Variants in RPS6KL1 observed in about 807,000 individuals in gnomAD.
RPS6KL1 encodes the protein ribosomal protein S6 kinase like 1.
RPS6KL1 carries 41 observed loss-of-function variants against 57.0 expected under a neutral mutation model. That is an observed-to-expected ratio of 0.72 (90% CI 0.56 to 0.93). RPS6KL1 has a LOEUF of 0.93. Ranked by LOEUF, RPS6KL1 falls within the 40% of genes least tolerant of loss-of-function variation. RPS6KL1 has a pLI of 0.00. For synonymous variants in RPS6KL1, 287 were observed against 309.7 expected (o/e 0.93, Z 0.77); for missense variants, 697 against 727.7 (o/e 0.96, Z 0.49).
intron 8 of RPS6KL1, 116 bp downstream of exon 8, chr14:74,909,427 G>A: frequency 7.3e-7 from 1 of 1,369,830 alleles, no homozygotes; most frequent in Non-Finnish European, 9.8e-7. Context: ...CTGAAAGGCT[G>A]GCTGGGGCCA....
intron 7 of RPS6KL1, 57 bp downstream of exon 7, chr14:74,911,191 G>A (rs1885902149): frequency 6.4e-7 from 1 of 1,569,102 alleles, no homozygotes; most frequent in African/African-American, 1.3e-5. Context: ...CATTTTAAGG[G>A]TTGACGACAT....
At chr14:74,911,962 G>A (rs551996789) in intron 5 of RPS6KL1, 121 bp from the exon 6 acceptor site, 9 of 757,614 alleles carry the variant, frequency 1.2e-5, no homozygotes, top group Non-Finnish European at 2.0e-5. Context: ...GCAGGGCAGG[G>A]AGGGCGGGCT....
Position 74,911,901 on chromosome 14 carries a change from C to T in RPS6KL1, c.484-60G>A, listed in dbSNP as rs1472731749. 8.1e-5 allele frequency: 116 copies of T among 1,436,034 alleles called. No homozygotes were observed. The East Asian group carries it at 2.1e-3, about 26-fold the overall frequency. The allele number at this position is 1,436,034 out of a possible 1,614,324, so 89.0% of individuals were successfully genotyped here. On this transcript the variant is annotated intron_variant, in intron 5 of 11. Transcript: ENST00000557413. ...TACTAGCTCCTGGGGCTCCGTGACCCCAGCCTGACCCCCTCCCAGGTTCCT... is the reference window on the plus strand; with the variant it reads ...TACTAGCTCCTGGGGCTCCGTGACCTCAGCCTGACCCCCTCCCAGGTTCCT...
intron 8 of RPS6KL1, 113 bp downstream of exon 8, chr14:74,909,430 T>G (rs1303621701): frequency 7.2e-7 from 1 of 1,386,838 alleles, no homozygotes; most frequent in Admixed American, 2.6e-5. Context: ...AAAGGCTGGC[T>G]GGGGCCAGGG....
At chr14:74,908,172 T>C (rs1358907228) in intron 10 of RPS6KL1, among the ~76,000 whole-genome samples, 1 of 152,222 alleles carries the variant, frequency 6.6e-6, no homozygotes, top group African/African-American at 2.4e-5. Flanking sequence ...CTGGATGGAC[T>C]GGTCAGCTCT....
In RPS6KL1 at chr14:74,922,154, G is replaced by A; in HGVS notation, c.-197C>T. On this transcript the variant is annotated 5_prime_UTR_variant, in exon 2 of 12. Transcript: ENST00000557413. ...AGCATCTGGTACTGTGTTGAGCTCT[G>A]GAGAGAGCTGAGGATATCTGTGATC... 5.1e-6 allele frequency: 5 copies of A among 973,066 alleles called. No individual in the cohort carries two copies. Among genetic ancestry groups the A allele is most frequent in the Non-Finnish European group, 6.1e-6 (5 of 816,796 alleles). The allele number at this position is 973,066 out of a possible 1,614,324, so 60.3% of individuals were successfully genotyped here. A position where few individuals can be genotyped will look rare whatever the true frequency, so the allele number is the denominator to read the frequency against.
Position 74,909,210 on chromosome 14 carries a change from A to G in RPS6KL1, c.1271-20T>C. 1 of 1,610,346 alleles carries G rather than the reference A, an allele frequency of 6.2e-7. No homozygotes were observed. The highest frequency in any genetic ancestry group is 8.5e-7 in the Non-Finnish European group (1 of 1,176,550). On this transcript the variant is annotated intron_variant, in intron 8 of 11. Coordinates refer to ENST00000557413, the MANE Select transcript of RPS6KL1 (RefSeq NM_031464.5). ...TGTGACCTCCAGTGTGTGGGAGGAA[A>G]AAGGAGGGGACAGATTGAGGACAGC...
At position 74,906,100 on chromosome 14, in the gene RPS6KL1, T is replaced by C. The variant is rs1241948636; in HGVS notation, c.*914A>G. The C allele has an allele frequency of 5.4e-6, 1 of 185,152 alleles. No homozygotes were observed. Among genetic ancestry groups the C allele is most frequent in the African/African-American group, 2.3e-5 (1 of 43,026 alleles). 11.5% of individuals were successfully genotyped at this position (185,152 alleles called of 1,614,324 possible). Reference sequence around the variant, plus strand: ...TGTGGTTTCTTATCCCAAAAGGGCATGAAGTCACAGTAGGCAGTGACATGG... The same window carrying C: ...TGTGGTTTCTTATCCCAAAAGGGCACGAAGTCACAGTAGGCAGTGACATGG... On this transcript the variant is annotated 3_prime_UTR_variant, in exon 12 of 12. Transcript: ENST00000557413.
At position 74,909,690 on chromosome 14, in the gene RPS6KL1, G is replaced by C; in HGVS notation, c.1123C>G (p.Arg375Gly). The change falls in exon 8 of 12, where the codon CGG (arginine) becomes GGG (glycine). Residue 375 changes from arginine (R) to glycine (G), a missense_variant. Arg to Gly is a moderately radical substitution (Grantham distance 125). Coordinates refer to ENST00000557413, the MANE Select transcript of RPS6KL1 (RefSeq NM_031464.5). ...CTCCAGGTGGCCCTGCCACAGCCCC[G>C]GCCGGCCCCATCTGCTGACAGGCAG... The part of the protein sequence containing the change: ...QSCLSADGAG[R>G]GCGRATWSVR... The C allele has an allele frequency of 6.2e-7, 1 of 1,609,200 alleles. No individual in the cohort carries two copies. Among genetic ancestry groups the C allele is most frequent in the Non-Finnish European group, 8.5e-7 (1 of 1,179,886 alleles).
intron 5 of RPS6KL1, among the ~76,000 whole-genome samples, chr14:74,916,611 G>T (rs1176743080): frequency 1.3e-5 from 2 of 152,040 alleles, no homozygotes; most frequent in African/African-American, 4.8e-5. Flanking sequence ...AGCCTGGTAG[G>T]TCGAGGCTGC....
Position 74,905,610 on chromosome 14 carries a change from C to A in RPS6KL1, c.*1404G>T, listed in dbSNP as rs959366532. The A allele has an allele frequency of 1.3e-5, 2 of 152,222 alleles. No individual in the cohort carries two copies. The highest frequency in any genetic ancestry group is 4.8e-5 in the African/African-American group (2 of 41,430). The allele number at this position is 152,222 out of a possible 1,614,324, so 9.4% of individuals were successfully genotyped here. On this transcript the variant is annotated 3_prime_UTR_variant, in exon 12 of 12. Transcript: ENST00000557413. ...AGCCTTCCAACCTGCCCCAATGAGCCGTGGTCATTGCATGGAAGAAGCGAG... is the reference window on the plus strand; with the variant it reads ...AGCCTTCCAACCTGCCCCAATGAGCAGTGGTCATTGCATGGAAGAAGCGAG...
Position 74,907,472 on chromosome 14 carries a change from T to C in RPS6KL1, c.1502A>G (p.Glu501Gly). 2 of 1,588,972 alleles carry C rather than the reference T, an allele frequency of 1.3e-6. No homozygotes were observed. Among genetic ancestry groups the C allele is most frequent in the South Asian group, 1.1e-5 (1 of 86,962 alleles). ...AGAGGCCGCTGGGCGACTGAGCCAC[T>C]CGGGCAGCTGGAGCTGGGTGTGGGC... ...IQAHTQLQLP[E>G]WLSRPAASLL... Residue 501 changes from glutamate to glycine, a missense_variant, in exon 11 of 12, where the codon GAG becomes GGG. Transcript: ENST00000557413.
chr14:74,914,411 G>A (rs567422098), intron 5 of RPS6KL1, among the ~76,000 whole-genome samples: 7 of 152,324 alleles, frequency 4.6e-5, no homozygotes, highest in African/African-American at 1.7e-4. Flanking sequence ...AAAAACTAGC[G>A]AAGGAGGGAA....
chr14:74,911,898 A>AC, intron 5 of RPS6KL1, 57 bp from the exon 6 acceptor site: 2 of 1,467,990 alleles, frequency 1.4e-6, no homozygotes, highest in South Asian at 2.4e-5. Flanking sequence ...GGGCTCCGTG[A>AC]CCCCAGCCTG....
rs1420662718 is a variant in RPS6KL1 at position 74,905,120 on chromosome 14, AAGG to A, written c.*1891_*1893del. Reference sequence around the variant, plus strand: ...GGCATTATTTACCCCATTTTATCGAAAGGAGGTCGACTGTAAGAGCTGGGACCC... The same window carrying A: ...GGCATTATTTACCCCATTTTATCGAAAGGTCGACTGTAAGAGCTGGGACCC... On this transcript the variant is annotated 3_prime_UTR_variant, in exon 12 of 12. Coordinates refer to ENST00000557413, the MANE Select transcript of RPS6KL1 (RefSeq NM_031464.5). 6.6e-6 allele frequency: 1 copy of A among 152,120 alleles called. No individual in the cohort carries two copies. Among genetic ancestry groups the A allele is most frequent in the Non-Finnish European group, 1.5e-5 (1 of 68,020 alleles). The allele number at this position is 152,120 out of a possible 1,614,324, so 9.4% of individuals were successfully genotyped here.
chr14:74,914,448 G>A lies in RPS6KL1; in HGVS notation c.484-2607C>T, dbSNP rs144159697. On this transcript the variant is annotated intron_variant, in intron 5 of 11. Coordinates refer to ENST00000557413, the MANE Select transcript of RPS6KL1 (RefSeq NM_031464.5). The stretch of plus-strand genomic sequence containing the variant: ...GCTGAGGAGGCCAGAAATAAACCTT[G>A]ATCCATACACTGAAAGATTTCTGTT... Among the ~76,000 whole-genome samples, 766 of 152,316 alleles carry A rather than the reference G, an allele frequency of 5.0e-3. 6 individuals carry two copies. The highest frequency in any genetic ancestry group is 7.2e-3 in the Non-Finnish European group (492 of 68,024).
chr14:74,922,184 G>C lies in RPS6KL1; in HGVS notation c.-227C>G. Reference sequence around the variant, plus strand: ...GAGCTGAGGATATCTGTGATCCACAGCCACCTTCACAGGGCCTCCGTAGAG... The same window carrying C: ...GAGCTGAGGATATCTGTGATCCACACCCACCTTCACAGGGCCTCCGTAGAG... On this transcript the variant is annotated 5_prime_UTR_variant, in exon 2 of 12. Transcript: ENST00000557413. The C allele has an allele frequency of 1.0e-6, 1 of 987,118 alleles. No individual in the cohort carries two copies. The highest frequency in any genetic ancestry group is 1.2e-6 in the Non-Finnish European group (1 of 830,980). The allele number at this position is 987,118 out of a possible 1,614,324, so 61.1% of individuals were successfully genotyped here.
Position 74,911,379 on chromosome 14 carries a change from C to T in RPS6KL1, c.533G>A (p.Ser178Asn). 6.2e-7 allele frequency: 1 copy of T among 1,604,180 alleles called. No individual in the cohort carries two copies. The highest frequency in any genetic ancestry group is 8.5e-7 in the Non-Finnish European group (1 of 1,177,660). The change falls in exon 7 of 12, where the codon AGC becomes AAC. Residue 178 changes from serine (S) to asparagine (N), a missense_variant and splice_region_variant. Coordinates refer to ENST00000557413, the MANE Select transcript of RPS6KL1 (RefSeq NM_031464.5). The part of the protein sequence containing the change: ...PATGGTFVVK[S>N]LPRCHMVSRE... ...GCTCACCATGTGGCACCTGGGTAGG[C>T]TCTGGGAGCAGCAGGGCAGGCAGAT... is the stretch of plus-strand genomic sequence containing the variant.
chr14:74,916,614 G>A (rs537506278), intron 5 of RPS6KL1, among the ~76,000 whole-genome samples: 3 of 152,100 alleles, frequency 2.0e-5, no homozygotes, highest in East Asian at 3.9e-4. Context: ...CTGGTAGGTC[G>A]AGGCTGCAGT....
Sources: gnomAD v4.1 joint callset for allele counts (sites outside exome capture counted in the v4.1 genomes callset) on GRCh38, gnomAD v4.1.1 for gene constraint, MANE v1.5 for transcripts, NCBI Gene and HGNC (gene_info 2026-07-23, HGNC 2026-07-21) for gene names.